MEIS2: variants seen among roughly 807,000 people sequenced by gnomAD.
MEIS2 encodes the protein homeobox protein Meis2.
A neutral mutation model predicts 58.6 loss-of-function variants in MEIS2; 9 were observed. That is an observed-to-expected ratio of 0.15 (90% CI 0.09 to 0.27). The LOEUF (loss-of-function observed/expected upper bound fraction) is 0.27, where lower values mean the gene tolerates loss of function less well. Among genes scored for constraint, MEIS2 ranks in the 10% least tolerant of loss-of-function variants. The pLI, the probability that MEIS2 is intolerant of heterozygous loss-of-function variation, is 1.00. For synonymous variants in MEIS2, 221 were observed against 228.4 expected, an observed-to-expected ratio of 0.97 and a Z score of 0.29; for missense variants, 427 against 635.0, an observed-to-expected ratio of 0.67 and a Z score of 3.52.
intron 7 of MEIS2, among the ~76,000 whole-genome samples, chr15:37,043,100 G>A (rs1404606419): frequency 6.6e-6 from 1 of 152,210 alleles, no homozygotes; most frequent in East Asian, 1.9e-4. Context: ...TCTCTTCAGA[G>A]AAATAAGACA....
At chr15:37,084,313 A>G (rs977588582) in intron 6 of MEIS2, among the ~76,000 whole-genome samples, 1 of 152,206 alleles carries the variant, frequency 6.6e-6, no homozygotes, top group Admixed American at 6.5e-5. Context: ...ACTTCAGAAC[A>G]TTCACATCTG....
chr15:37,012,600 C>T (rs951342371), intron 8 of MEIS2, among the ~76,000 whole-genome samples: 1 of 152,180 alleles, frequency 6.6e-6, no homozygotes, highest in African/African-American at 2.4e-5. Flanking sequence ...TGTGTGTATA[C>T]ATGCATGTGT....
At chr15:36,955,223 A>G (rs894452949) in intron 8 of MEIS2, among the ~76,000 whole-genome samples, 10 of 152,248 alleles carry the variant, frequency 6.6e-5, no homozygotes, top group African/African-American at 2.4e-4. Flanking sequence ...AGATAAAACA[A>G]GAAACAATTA....
chr15:36,962,844 C>T (rs2059232219), intron 8 of MEIS2, among the ~76,000 whole-genome samples: 1 of 152,176 alleles, frequency 6.6e-6, no homozygotes, highest in East Asian at 1.9e-4. Context: ...AGAAATAAGC[C>T]AGAAATGGCC....
chr15:36,973,308 T>C (rs2141475182), intron 8 of MEIS2, among the ~76,000 whole-genome samples: 1 of 152,294 alleles, frequency 6.6e-6, no homozygotes, highest in Middle Eastern at 3.4e-3. Context: ...CTTCAAAGGC[T>C]TCTACTCTCT....
intron 8 of MEIS2, among the ~76,000 whole-genome samples, chr15:36,986,931 G>A (rs2060111496): frequency 6.6e-6 from 1 of 152,158 alleles, no homozygotes; most frequent in South Asian, 2.1e-4. Context: ...CAAAATATCT[G>A]TGAGCATAAA....
chr15:37,061,119 G>A (rs1053136667), intron 7 of MEIS2, among the ~76,000 whole-genome samples: 1 of 152,174 alleles, frequency 6.6e-6, no homozygotes, highest in African/African-American at 2.4e-5. Context: ...TTTTCATCCT[G>A]TGGTATTACC....
chr15:36,947,372 C>G (rs1204080768), intron 9 of MEIS2, among the ~76,000 whole-genome samples: 1 of 151,972 alleles, frequency 6.6e-6, no homozygotes, highest in African/African-American at 2.4e-5. Flanking sequence ...ATCTCCTAAA[C>G]TTCCTTTTTG....
intron 9 of MEIS2, among the ~76,000 whole-genome samples, chr15:36,932,614 G>A (rs1466424979): frequency 6.6e-6 from 1 of 151,984 alleles, no homozygotes; most frequent in African/African-American, 2.4e-5. Context: ...ATTGTTAGAG[G>A]GTCCATTGAA....
intron 8 of MEIS2, among the ~76,000 whole-genome samples, chr15:36,991,783 C>CTTTTTTTTTTTTTTTT (rs11285545): frequency 1.4e-4 from 7 of 51,040 alleles, no homozygotes; most frequent in African/African-American, 1.5e-4. Flanking sequence ...TTTTTTTTTT[C>CTTTTTTTTTTTTTTTT]TTTTTTTTTT....
chr15:36,948,611 C>T (rs1041457567), intron 9 of MEIS2, among the ~76,000 whole-genome samples: 7 of 152,030 alleles, frequency 4.6e-5, no homozygotes, highest in South Asian at 2.1e-4. Flanking sequence ...ATGTTAACTG[C>T]GTCATGGACC....
At chr15:37,045,887 C>A (rs2062646167) in intron 7 of MEIS2, among the ~76,000 whole-genome samples, 1 of 152,182 alleles carries the variant, frequency 6.6e-6, no homozygotes, top group Non-Finnish European at 1.5e-5. Flanking sequence ...ACCCAGGCCA[C>A]CTTTTTCACA....
At chr15:37,064,699 T>C (rs1889688852) in intron 7 of MEIS2, among the ~76,000 whole-genome samples, 1 of 152,208 alleles carries the variant, frequency 6.6e-6, no homozygotes, top group Non-Finnish European at 1.5e-5. Flanking sequence ...ATAAGAACAC[T>C]TACGCATGGG....
chr15:37,039,605 A>G lies in MEIS2; in HGVS notation c.755-2646T>C, dbSNP rs554479917. Among the ~76,000 whole-genome samples, 4 of 152,316 alleles carry G rather than the reference A, an allele frequency of 2.6e-5. No homozygotes were observed. In the East Asian group the frequency reaches 5.8e-4, roughly 22 times the overall value. ...GCTGGTAACACCTTCGAACTTTATG[A>G]TTCACTATATTTAGTGCAAGAAAAA... On this transcript the variant is annotated intron_variant, in intron 7 of 11. Transcript: ENST00000561208.
At chr15:36,918,100 G>C (rs1055197912) in intron 9 of MEIS2, among the ~76,000 whole-genome samples, 1 of 152,184 alleles carries the variant, frequency 6.6e-6, no homozygotes, top group African/African-American at 2.4e-5. Flanking sequence ...ATAGAGAAGA[G>C]ACTGTATAAC....
intron 8 of MEIS2, among the ~76,000 whole-genome samples, chr15:37,000,274 C>G (rs1212339454): frequency 6.6e-6 from 1 of 152,070 alleles, no homozygotes; most frequent in Admixed American, 6.5e-5. Context: ...CTTTTAGGAG[C>G]CACTCTACTT....
rs61478606 is a variant in MEIS2, at chr15:36,956,887, TAAAAAAA to T, written c.901-6494_901-6488del. Among the ~76,000 whole-genome samples, 496 of 111,972 alleles carry T rather than the reference TAAAAAAA, an allele frequency of 4.4e-3. 2 individuals carry two copies. The highest frequency in any genetic ancestry group is 0.016 in the African/African-American group (465 of 29,360). 73.5% of individuals were successfully genotyped at this position (111,972 alleles called of 152,430 possible). ...TTCCCCTCCAGCTAGAAATGATTGT[TAAAAAAA>T]AAAAAAAAAAAAAAGGAGAAGCATG... On this transcript the variant is annotated intron_variant, in intron 8 of 11. Transcript: ENST00000561208.
chr15:37,093,908 G>C (rs557486816), intron 5 of MEIS2, 178 bp from the exon 6 acceptor site: 1 of 701,400 alleles, frequency 1.4e-6, no homozygotes, highest in East Asian at 2.5e-5. Context: ...GGAAACAATA[G>C]AGTAATTGTT....
intron 9 of MEIS2, among the ~76,000 whole-genome samples, chr15:36,947,158 T>C (rs1325139224): frequency 2.0e-5 from 3 of 152,044 alleles, no homozygotes; most frequent in Non-Finnish European, 2.9e-5. Flanking sequence ...AATTAGGTGA[T>C]TGATGATTTA....
Sources: allele counts gnomAD v4.1 joint callset (sites outside exome capture counted in the v4.1 genomes callset), GRCh38; gene constraint gnomAD v4.1.1; transcripts MANE v1.5; gene names NCBI Gene and HGNC (gene_info 2026-07-23, HGNC 2026-07-21).